The following ADPRHL1 variants were observed in gnomAD, a reference collection of about 807,000 sequenced individuals.
ADPRHL1 encodes ADP-ribosylhydrolase like 1.
A neutral mutation model predicts 44.1 loss-of-function variants in ADPRHL1; 43 were observed. The ratio of observed to expected loss-of-function variants is 0.98; its 90% confidence interval spans 0.76 to 1.26. The LOEUF (loss-of-function observed/expected upper bound fraction) is 1.26. ADPRHL1 is among the 50% of genes most tolerant of loss of function. ADPRHL1 has a pLI of 0.00. For synonymous variants in ADPRHL1, 878 were observed against 1,017.4 expected (o/e 0.86, Z 2.61); for missense variants, 2,022 against 2,496.9 (o/e 0.81, Z 4.05).
At chr13:113,439,477 C>A (rs2044083245) in intron 2 of ADPRHL1, among the ~76,000 whole-genome samples, 1 of 139,318 alleles carries the variant, frequency 7.2e-6, no homozygotes, top group Non-Finnish European at 1.5e-5. Flanking sequence ...GAGACGGCGT[C>A]TTGCTCTGTC....
chr13:113,442,876 G>T (rs1428489682), intron 2 of ADPRHL1, among the ~76,000 whole-genome samples: 1 of 152,160 alleles, frequency 6.6e-6, no homozygotes, highest in Non-Finnish European at 1.5e-5. Context: ...CTTCATCTTG[G>T]ATTCTTTCTC....
intron 3 of ADPRHL1, among the ~76,000 whole-genome samples, chr13:113,433,015 C>T (rs772200246): frequency 6.6e-5 from 10 of 152,208 alleles, no homozygotes; most frequent in Admixed American, 3.3e-4. Context: ...GGACGGGCTG[C>T]GGACGGGGAC....
At chr13:113,437,910 C>A (rs2044072799) in intron 2 of ADPRHL1, among the ~76,000 whole-genome samples, 1 of 152,192 alleles carries the variant, frequency 6.6e-6, no homozygotes, top group Non-Finnish European at 1.5e-5. Flanking sequence ...TAGCTCAGTG[C>A]ACCTCCGCCT....
chr13:113,431,437 C>T (rs2044006561), intron 3 of ADPRHL1, among the ~76,000 whole-genome samples: 1 of 152,208 alleles, frequency 6.6e-6, no homozygotes, highest in Non-Finnish European at 1.5e-5. Flanking sequence ...GCAGCAGCGG[C>T]AAGAGTCTAT....
intron 1 of ADPRHL1, among the ~76,000 whole-genome samples, chr13:113,445,009 G>A (rs1382165974): frequency 1.3e-5 from 2 of 152,212 alleles, no homozygotes; most frequent in East Asian, 1.9e-4. Flanking sequence ...TGACGCCGAT[G>A]GTGGAGGCCA....
rs994244648 is a variant in ADPRHL1, at chr13:113,453,151, G to A, written c.214+73C>T. 108 of 1,545,420 alleles carry A rather than the reference G, an allele frequency of 7.0e-5. No individual in the cohort carries two copies. Among genetic ancestry groups the A allele is most frequent in the Non-Finnish European group, 9.3e-5 (105 of 1,123,134 alleles). On this transcript the variant is annotated intron_variant, in intron 1 of 7. Transcript: ENST00000612156. This position sits in a 1 kb window ranked among gnomAD's most constrained non-coding sequence, Gnocchi z 5.4. Reference sequence around the variant, plus strand: ...CCGCACTGCCTTCAAAGCTCTCGGAGGCTTACTGGGAGAACTCGAGCAGCC... The same window carrying A: ...CCGCACTGCCTTCAAAGCTCTCGGAAGCTTACTGGGAGAACTCGAGCAGCC...
At chr13:113,430,032 C>A (rs979851175) in intron 3 of ADPRHL1, among the ~76,000 whole-genome samples, 4 of 152,188 alleles carry the variant, frequency 2.6e-5, no homozygotes, top group African/African-American at 9.7e-5. Context: ...ATGGAGCCAG[C>A]GGCTTCTGGG....
intron 7 of ADPRHL1, among the ~76,000 whole-genome samples, chr13:113,414,255 CAT>C (rs371927165): frequency 5.1e-4 from 78 of 152,370 alleles, no homozygotes; most frequent in East Asian, 1.7e-3. Context: ...CCAGCCTCCA[CAT>C]GTTTCTGACA....
At position 113,403,866 on chromosome 13, in the gene ADPRHL1, C is replaced by T. The variant is rs1378371799; in HGVS notation, c.5416G>A (p.Glu1806Lys). 3.2e-6 allele frequency: 4 copies of T among 1,258,740 alleles called. No homozygotes were observed. The highest frequency in any genetic ancestry group is 4.1e-5 in the Admixed American group (1 of 24,344). 78.0% of individuals were successfully genotyped at this position (1,258,740 alleles called of 1,614,324 possible). ...AQERAWEQGR[E>K]QALTSGMAPR... The stretch of plus-strand genomic sequence containing the variant: ...GCCATCCCACTTGTCAAGGCCTGTT[C>T]CCGACCCTGTTCCCAAGCCCGTTCC... Residue 1806 changes from glutamate to lysine, a missense_variant, in exon 8 of 8, where the codon GAA (glutamate) becomes AAA (lysine). Transcript: ENST00000612156.
intron 6 of ADPRHL1, among the ~76,000 whole-genome samples, chr13:113,423,752 C>T (rs2043943516): frequency 6.6e-6 from 1 of 152,254 alleles, no homozygotes; most frequent in Non-Finnish European, 1.5e-5. Context: ...GATGCGAGCC[C>T]AGGACCTAAC....
rs1227920044 is a variant in ADPRHL1, at chr13:113,403,876, T to A, written c.5406A>T (p.Glu1802Asp). 13 of 1,259,494 alleles carry A rather than the reference T, an allele frequency of 1.0e-5. No homozygotes were observed. Among genetic ancestry groups the A allele is most frequent in the Non-Finnish European group, 1.1e-5 (11 of 1,006,830 alleles). 78.0% of individuals were successfully genotyped at this position (1,259,494 alleles called of 1,614,324 possible). A position where few individuals can be genotyped will look rare whatever the true frequency, so the allele number is the denominator to read the frequency against. The change falls in exon 8 of 8, where the codon GAA becomes GAT. Residue 1802 changes from glutamate to aspartate, a missense_variant. Around this residue, in one of 8 missense-constraint regions of ADPRHL1, gnomAD observed 205 missense variants for 250.1 expected, o/e 0.82. Transcript: ENST00000612156. Reference sequence around the variant, plus strand: ...TTGTCAAGGCCTGTTCCCGACCCTGTTCCCAAGCCCGTTCCTGAGCCCCTT... The same window carrying A: ...TTGTCAAGGCCTGTTCCCGACCCTGATCCCAAGCCCGTTCCTGAGCCCCTT... ...TQKGAQERAWEQGREQALTSG... is the reference protein window; with the variant it reads ...TQKGAQERAWDQGREQALTSG...
rs182674690 is a variant in ADPRHL1, at chr13:113,432,634, C to T, written c.505+1108G>A. The stretch of plus-strand genomic sequence containing the variant: ...ATCTGTCCCCAGGGTAGTAAAGGCA[C>T]GCACCTGCTTTGCTGCAGACTCAGT... On this transcript the variant is annotated intron_variant, in intron 3 of 7. Transcript: ENST00000612156. 2.0e-4 allele frequency among the ~76,000 whole-genome samples: 30 copies of T among 152,060 alleles called. No homozygotes were observed. In the East Asian group the frequency reaches 4.7e-3, roughly 24 times the overall value.
At chr13:113,421,255 A>ACACGCCCACCCC (rs2043919108) in intron 7 of ADPRHL1, among the ~76,000 whole-genome samples, 6 of 16,252 alleles carry the variant, frequency 3.7e-4, no homozygotes, top group African/African-American at 1.6e-3. Context: ...CGCCCACCCC[A>ACACGCCCACCCC]GGGACACGCC....
rs1468372189 is a variant in ADPRHL1, at chr13:113,409,391, G to A, written c.1062-1171C>T. 1.0e-6 allele frequency: 1 copy of A among 985,396 alleles called. No homozygotes were observed. Among genetic ancestry groups the A allele is most frequent in the African/African-American group, 1.7e-5 (1 of 57,352 alleles). 61.0% of individuals were successfully genotyped at this position (985,396 alleles called of 1,614,324 possible). On this transcript the variant is annotated intron_variant, in intron 7 of 7. Transcript: ENST00000612156. The surrounding 1 kb of genome is among the most constrained non-coding windows in gnomAD (Gnocchi z 4.2). ...TCATTCTAAGGAGATCATCAGGGAT[G>A]AGGAACAAAGACTCGAGTATTACAG...
At chr13:113,435,176 G>A in intron 2 of ADPRHL1, among the ~76,000 whole-genome samples, 1 of 38,450 alleles carries the variant, frequency 2.6e-5, no homozygotes, top group Non-Finnish European at 5.7e-5. Flanking sequence ...GGTGTACCCT[G>A]TGACCCAGCA....
At position 113,409,337 on chromosome 13, in the gene ADPRHL1, G is replaced by C; in HGVS notation, c.1062-1117C>G. 2 of 985,398 alleles carry C rather than the reference G, an allele frequency of 2.0e-6. No individual in the cohort carries two copies. The highest frequency in any genetic ancestry group is 2.4e-6 in the Non-Finnish European group (2 of 829,926). The allele number at this position is 985,398 out of a possible 1,614,324, so 61.0% of individuals were successfully genotyped here. ...TGATAATTTTGGGTAGACGCACCCAGAATCTTAGCTGTCACACCTGTTAGT... is the reference window on the plus strand; with the variant it reads ...TGATAATTTTGGGTAGACGCACCCACAATCTTAGCTGTCACACCTGTTAGT... On this transcript the variant is annotated intron_variant, in intron 7 of 7. Transcript: ENST00000612156. This position sits in a 1 kb window ranked among gnomAD's most constrained non-coding sequence, Gnocchi z 4.2.
intron 5 of ADPRHL1, among the ~76,000 whole-genome samples, 157 bp downstream of exon 5, chr13:113,424,895 C>T (rs1454543515): frequency 1.1e-4 from 8 of 73,712 alleles, no homozygotes; most frequent in East Asian, 9.6e-4. Context: ...CATCCATTCA[C>T]GCACCCTTCC....
intron 4 of ADPRHL1, among the ~76,000 whole-genome samples, chr13:113,426,846 A>C (rs1489066725): frequency 6.6e-6 from 1 of 152,226 alleles, no homozygotes; most frequent in Admixed American, 6.5e-5. Flanking sequence ...CAGACGTCTA[A>C]ATACAAAAGC....
chr13:113,422,807 G>C lies in ADPRHL1; in HGVS notation c.1061+19C>G. On this transcript the variant is annotated intron_variant, in intron 7 of 7. Transcript: ENST00000612156. The stretch of plus-strand genomic sequence containing the variant: ...GTGGAATCGGCTCTCTAGGGGGAAA[G>C]TGGCAGAAATGGCTTTACTTCTCCT... 1 of 1,612,740 alleles carries C rather than the reference G, an allele frequency of 6.2e-7. No homozygotes were observed. Among genetic ancestry groups the C allele is most frequent in the Non-Finnish European group, 8.5e-7 (1 of 1,179,908 alleles).
Sources: allele counts gnomAD v4.1 joint callset (sites outside exome capture counted in the v4.1 genomes callset), GRCh38; gene constraint gnomAD v4.1.1; regional missense constraint gnomAD v4.1.1; non-coding constraint Gnocchi (gnomAD v3.1); transcripts MANE v1.5; gene names NCBI Gene and HGNC (gene_info 2026-07-23, HGNC 2026-07-21).